The following CDH4 variants were observed in gnomAD, a reference collection of about 807,000 sequenced individuals.
The protein encoded by CDH4 is cadherin-4.
CDH4 carries 33 observed loss-of-function variants against 86.0 expected under a neutral mutation model. The ratio of observed to expected loss-of-function variants is 0.38; its 90% confidence interval spans 0.29 to 0.51. The LOEUF is 0.51. Ranked by LOEUF, CDH4 falls within the 20% of genes least tolerant of loss-of-function variation. CDH4 has a pLI of 0.86. For missense variants in CDH4, 1,114 were observed against 1,307.4 expected (o/e 0.85, Z 2.28); for synonymous variants, 555 against 549.4 (o/e 1.01, Z -0.14).
intron 4 of CDH4, among the ~76,000 whole-genome samples, chr20:61,831,377 G>A (rs1034357910): frequency 8.5e-5 from 13 of 152,222 alleles, no homozygotes; most frequent in African/African-American, 1.9e-4. Context: ...CCATTTTAGC[G>A]AGCAGTGAAG....
chr20:61,534,665 C>CTTTTTT lies in CDH4; in HGVS notation c.170-208881_170-208876dup, dbSNP rs34309371. On this transcript the variant is annotated intron_variant, in intron 2 of 15. Transcript: ENST00000614565. ...CTTTCTTTCTTTTCTTTCTTTCTTT[C>CTTTTTT]TTTTTTTTTTTTTTTTTTTTTTGAG... 3.0e-3 allele frequency among the ~76,000 whole-genome samples: 226 copies of CTTTTTT among 75,988 alleles called. 14 individuals carry two copies. Among genetic ancestry groups the CTTTTTT allele is most frequent in the African/African-American group, 0.019 (176 of 9,292 alleles). 49.9% of individuals were successfully genotyped at this position (75,988 alleles called of 152,430 possible).
chr20:61,637,837 A>G (rs955831023), intron 2 of CDH4, among the ~76,000 whole-genome samples: 3 of 152,110 alleles, frequency 2.0e-5, no homozygotes, highest in African/African-American at 7.2e-5. Flanking sequence ...CTTGGCCAAC[A>G]TGGTGAAACC....
chr20:61,669,101 A>T (rs1460598929), intron 2 of CDH4, among the ~76,000 whole-genome samples: 3 of 152,152 alleles, frequency 2.0e-5, no homozygotes, highest in Non-Finnish European at 2.9e-5. Context: ...GCCTCCTGGA[A>T]CCCACGTTCT....
chr20:61,545,814 G>C (rs1156232696), intron 2 of CDH4, among the ~76,000 whole-genome samples: 29 of 150,794 alleles, frequency 1.9e-4, no homozygotes, highest in African/African-American at 6.8e-4. Context: ...GATACGGTGC[G>C]TGTTCACATG....
At chr20:61,264,944 C>T (rs1447595865) in intron 2 of CDH4, among the ~76,000 whole-genome samples, 25 of 121,520 alleles carry the variant, frequency 2.1e-4, no homozygotes, top group South Asian at 3.0e-4. Context: ...TCATTCAGTC[C>T]TACACATACC....
At chr20:61,378,377 C>G (rs1187420836) in intron 2 of CDH4, among the ~76,000 whole-genome samples, 1 of 152,200 alleles carries the variant, frequency 6.6e-6, no homozygotes, top group Non-Finnish European at 1.5e-5. Context: ...CTTAGAACAA[C>G]AGAAATGTGT....
At chr20:61,565,080 G>GTGGTGGTGGTGGTGGTGGTGCTCT (rs2086256096) in intron 2 of CDH4, among the ~76,000 whole-genome samples, 73 of 125,758 alleles carry the variant, frequency 5.8e-4, no homozygotes, top group African/African-American at 2.3e-3. Flanking sequence ...GGTGGTGGTG[G>GTGGTGGTGGTGGTGGTGGTGCTCT]TGGTGGTGCT....
At chr20:61,742,362 TTGGC>T (rs1178152171) in intron 2 of CDH4, among the ~76,000 whole-genome samples, 1 of 152,140 alleles carries the variant, frequency 6.6e-6, no homozygotes, top group Non-Finnish European at 1.5e-5. Flanking sequence ...GGAGGTGCCA[TTGGC>T]TGGGAAGATA....
intron 2 of CDH4, among the ~76,000 whole-genome samples, chr20:61,361,434 T>C (rs779131409): frequency 6.6e-6 from 1 of 152,152 alleles, no homozygotes; most frequent in African/African-American, 2.4e-5. Context: ...TGTAAATCAC[T>C]CCCAGGTGTG....
intron 2 of CDH4, among the ~76,000 whole-genome samples, chr20:61,573,502 G>A (rs933664668): frequency 6.6e-6 from 1 of 152,204 alleles, no homozygotes; most frequent in Non-Finnish European, 1.5e-5. Context: ...CATGGAGAGC[G>A]CACCATCATG....
chr20:61,355,285 G>A (rs1378204053), intron 2 of CDH4, among the ~76,000 whole-genome samples: 1 of 152,188 alleles, frequency 6.6e-6, no homozygotes, highest in African/African-American at 2.4e-5. Flanking sequence ...AGCAGGAACC[G>A]GACTCTCATT....
rs186989245 is a variant in CDH4 at position 61,789,179 on chromosome 20, G to A, written c.576+15997G>A. Among the ~76,000 whole-genome samples the A allele has an allele frequency of 2.2e-3, 331 of 152,324 alleles. 3 individuals carry two copies. Among genetic ancestry groups the A allele is most frequent in the African/African-American group, 7.8e-3 (323 of 41,580 alleles). On this transcript the variant is annotated intron_variant, in intron 4 of 15. Transcript: ENST00000614565. ...TCTCTTGATGGCACTGGCTTTCTCCGTAGAGGCCCGAGATGGCCTACGGAT... is the reference window on the plus strand; with the variant it reads ...TCTCTTGATGGCACTGGCTTTCTCCATAGAGGCCCGAGATGGCCTACGGAT...
chr20:61,928,288 G>A lies in CDH4; in HGVS notation c.1870G>A (p.Glu624Lys), dbSNP rs761235649. 23 of 1,610,254 alleles carry A rather than the reference G, an allele frequency of 1.4e-5. No individual in the cohort carries two copies. Among genetic ancestry groups the A allele is most frequent in the Admixed American group, 3.3e-5 (2 of 60,012 alleles). The stretch of plus-strand genomic sequence containing the variant: ...GCTGCCCAAGGAGGCGCAGATCTGC[G>A]AGAAGCCCAACCTGAACGCCATCAA... ...ELLPKEAQIC[E>K]KPNLNAINIT... Residue 624 changes from glutamate (E) to lysine (K), a missense_variant, in exon 12 of 16, where the codon GAG becomes AAG. Glu to Lys is a moderately conservative substitution (Grantham distance 56). Transcript: ENST00000614565.
intron 2 of CDH4, among the ~76,000 whole-genome samples, chr20:61,558,105 TTAA>T (rs1469664260): frequency 1.3e-5 from 2 of 152,224 alleles, no homozygotes; most frequent in Non-Finnish European, 2.9e-5. Flanking sequence ...AAATTTTTTA[TTAA>T]TGTGATCATA....
chr20:61,790,226 C>T (rs1979099954), intron 4 of CDH4, among the ~76,000 whole-genome samples: 1 of 151,852 alleles, frequency 6.6e-6, no homozygotes, highest in Admixed American at 6.6e-5. Context: ...CACCCACCTA[C>T]CATCCATCCA....
intron 2 of CDH4, among the ~76,000 whole-genome samples, chr20:61,409,468 A>C (rs1481607661): frequency 6.6e-6 from 1 of 152,226 alleles, no homozygotes; most frequent in African/African-American, 2.4e-5. Flanking sequence ...AGCATCCAAC[A>C]CAAGGATTCC....
intron 2 of CDH4, among the ~76,000 whole-genome samples, chr20:61,437,889 T>C (rs6121882): frequency 0.086 from 13,150 of 152,192 alleles, 1,027 homozygotes; most frequent in African/African-American, 0.21. Context: ...GACTGGTCCT[T>C]TTCCATCCAT....
At chr20:61,635,321 A>G (rs2086935484) in intron 2 of CDH4, among the ~76,000 whole-genome samples, 1 of 152,088 alleles carries the variant, frequency 6.6e-6, no homozygotes, top group Non-Finnish European at 1.5e-5. Context: ...GTTTTTTTAT[A>G]ATAGCCATCC....
intron 2 of CDH4, among the ~76,000 whole-genome samples, chr20:61,605,123 G>A (rs546002849): frequency 2.6e-5 from 4 of 152,272 alleles, no homozygotes; most frequent in Admixed American, 1.3e-4. Context: ...TTAAGATTAG[G>A]CAATGAGTGT....
Sources: gnomAD v4.1 joint callset for allele counts (sites outside exome capture counted in the v4.1 genomes callset) on GRCh38, gnomAD v4.1.1 for gene constraint, MANE v1.5 for transcripts, NCBI Gene and HGNC (gene_info 2026-07-23, HGNC 2026-07-21) for gene names.